CDK14: variants seen among roughly 807,000 people sequenced by gnomAD.
The protein encoded by CDK14 is cyclin-dependent kinase 14.
CDK14 carries 34 observed loss-of-function variants against 60.7 expected under a neutral mutation model. That is an observed-to-expected ratio of 0.56 (90% confidence interval 0.43 to 0.75). The LOEUF is 0.75. Ranked by LOEUF, CDK14 falls within the 30% of genes least tolerant of loss-of-function variation. CDK14 has a pLI of 0.00. For synonymous variants in CDK14, 197 were observed against 203.7 expected (o/e 0.97, Z 0.28); for missense variants, 482 against 564.1 (o/e 0.85, Z 1.47).
intron 11 of CDK14, among the ~76,000 whole-genome samples, chr7:91,074,817 G>A (rs901698057): frequency 2.0e-5 from 3 of 151,934 alleles, no homozygotes; most frequent in African/African-American, 7.3e-5. Flanking sequence ...GATATCACCA[G>A]TGACCCCAGA....
At chr7:90,825,758 G>A (rs1038414684) in intron 5 of CDK14, among the ~76,000 whole-genome samples, 1 of 152,140 alleles carries the variant, frequency 6.6e-6, no homozygotes, top group African/African-American at 2.4e-5. Context: ...TTATTAAGCT[G>A]TTTTGCTAAG....
chr7:91,196,426 C>G (rs776888499), intron 14 of CDK14, among the ~76,000 whole-genome samples: 5 of 152,206 alleles, frequency 3.3e-5, no homozygotes, highest in Non-Finnish European at 7.4e-5. Flanking sequence ...AAACACTCTT[C>G]TTTGCTTAAA....
intron 11 of CDK14, among the ~76,000 whole-genome samples, chr7:91,065,648 G>A (rs1206318032): frequency 6.6e-6 from 1 of 152,180 alleles, no homozygotes; most frequent in Non-Finnish European, 1.5e-5. Flanking sequence ...AGTAAAGTGT[G>A]CATAAAAATT....
intron 14 of CDK14, among the ~76,000 whole-genome samples, chr7:91,178,334 G>A (rs1340664101): frequency 7.6e-6 from 1 of 131,834 alleles, no homozygotes; most frequent in Non-Finnish European, 1.6e-5. Flanking sequence ...AGACTTAAAC[G>A]TTAGACCTAA....
rs547428866 is a variant in CDK14 at position 91,160,691 on chromosome 7, A to C, written c.*28+42483A>C. Among the ~76,000 whole-genome samples the C allele has an allele frequency of 2.0e-5, 3 of 152,162 alleles. No homozygotes were observed. In the South Asian group the frequency reaches 6.2e-4, roughly 32 times the overall value. ...TTTAAAGATTTTCTTTCTCTGTTTC[A>C]AACTCCTTTTACTATATTCCATGCT... On this transcript the variant is annotated intron_variant, in intron 14 of 14. Transcript: ENST00000380050.
chr7:90,960,535 G>A (rs1181063743), intron 9 of CDK14, among the ~76,000 whole-genome samples: 3 of 152,024 alleles, frequency 2.0e-5, no homozygotes, highest in Non-Finnish European at 2.9e-5. Flanking sequence ...CAGCTGGGTG[G>A]TTAGAAAAAA....
Position 91,191,228 on chromosome 7 carries a change from C to T in CDK14, c.*29-15937C>T, listed in dbSNP as rs115563318. ...GGTGCTTCTTTATCATGAAAGATCA[C>T]TTACCAAACCAGAGTTAGCAACACC... is the stretch of plus-strand genomic sequence containing the variant. On this transcript the variant is annotated intron_variant, in intron 14 of 14. Transcript: ENST00000380050. Among the ~76,000 whole-genome samples, 569 of 152,196 alleles carry T rather than the reference C, an allele frequency of 3.7e-3. 4 individuals carry two copies. Among genetic ancestry groups the T allele is most frequent in the African/African-American group, 0.013 (540 of 41,530 alleles).
rs115385371 is a variant in CDK14, at chr7:91,016,713, T to A, written c.1042-29184T>A. ...GTGGCAAATCCACTGCTACTATGTA[T>A]GCTAGGTAGTTTTTATATTCATCAT... On this transcript the variant is annotated intron_variant, in intron 10 of 14. Coordinates refer to ENST00000380050, the MANE Select transcript of CDK14 (RefSeq NM_001287135.2). 8.1e-3 allele frequency among the ~76,000 whole-genome samples: 1,227 copies of A among 152,368 alleles called. 23 individuals are homozygous for A. Among genetic ancestry groups the A allele is most frequent in the African/African-American group, 0.025 (1,060 of 41,590 alleles).
chr7:90,674,010 T>C (rs568720654), intron 2 of CDK14, among the ~76,000 whole-genome samples: 2 of 152,308 alleles, frequency 1.3e-5, no homozygotes, highest in South Asian at 4.1e-4. Flanking sequence ...TTGGGATGAA[T>C]GTATTATTAT....
chr7:91,068,564 A>G (rs957869029), intron 11 of CDK14, among the ~76,000 whole-genome samples: 1 of 152,100 alleles, frequency 6.6e-6, no homozygotes, highest in Admixed American at 6.5e-5. Flanking sequence ...TCAGTGCTCT[A>G]TGAATCATCG....
intron 11 of CDK14, among the ~76,000 whole-genome samples, chr7:91,074,232 C>T (rs1051667504): frequency 6.6e-6 from 1 of 152,038 alleles, no homozygotes; most frequent in African/African-American, 2.4e-5. Flanking sequence ...TTTCAGAAAA[C>T]AACTAAATAA....
chr7:91,057,639 C>T lies in CDK14; in HGVS notation c.1105+11679C>T, dbSNP rs868489863. Among the ~76,000 whole-genome samples, 35 of 152,302 alleles carry T rather than the reference C, an allele frequency of 2.3e-4. No homozygotes were observed. The Middle Eastern group carries it at 0.014, about 59-fold the overall frequency. On this transcript the variant is annotated intron_variant, in intron 11 of 14. Coordinates refer to ENST00000380050, the MANE Select transcript of CDK14 (RefSeq NM_001287135.2). Reference sequence around the variant, plus strand: ...TTCTACATATGGCTAGCCAGTTTTCCCAACACCATTTATTAAATAGGGAAT... The same window carrying T: ...TTCTACATATGGCTAGCCAGTTTTCTCAACACCATTTATTAAATAGGGAAT...
At chr7:90,645,665 G>C (rs925668685) in intron 2 of CDK14, among the ~76,000 whole-genome samples, 1 of 151,926 alleles carries the variant, frequency 6.6e-6, no homozygotes, top group Non-Finnish European at 1.5e-5. Context: ...CTACATACTT[G>C]ATAACACTTA....
At chr7:91,111,542 T>G (rs1005263246) in intron 12 of CDK14, among the ~76,000 whole-genome samples, 9 of 152,188 alleles carry the variant, frequency 5.9e-5, no homozygotes, top group Non-Finnish European at 1.3e-4. Flanking sequence ...GCAAACCACT[T>G]TAGAGTCAAG....
chr7:90,917,798 GT>G, intron 8 of CDK14, 74 bp downstream of exon 8: 1 of 1,436,878 alleles, frequency 7.0e-7, no homozygotes. Flanking sequence ...CACTGCATTT[GT>G]TTAGGTGCAC....
intron 12 of CDK14, among the ~76,000 whole-genome samples, chr7:91,095,386 A>G (rs924199145): frequency 4.6e-5 from 7 of 152,242 alleles, no homozygotes; most frequent in Non-Finnish European, 1.0e-4. Flanking sequence ...CCAGCCAAGG[A>G]ATGGCCCTGC....
intron 7 of CDK14, among the ~76,000 whole-genome samples, chr7:90,902,009 A>G (rs1468705354): frequency 1.3e-5 from 2 of 152,130 alleles, no homozygotes; most frequent in South Asian, 2.1e-4. Context: ...TTAATTTATA[A>G]TAGTTACCAA....
chr7:90,828,400 T>C, intron 5 of CDK14, among the ~76,000 whole-genome samples: 1 of 152,210 alleles, frequency 6.6e-6, no homozygotes, highest in East Asian at 1.9e-4. Flanking sequence ...AAGTAATTAT[T>C]TTTCTACCTT....
At chr7:91,087,024 C>A (rs770042291) in intron 12 of CDK14, among the ~76,000 whole-genome samples, 71 of 152,242 alleles carry the variant, frequency 4.7e-4, no homozygotes, top group Non-Finnish European at 8.8e-4. Context: ...AGGGCTCAAG[C>A]AATCCTCCCA....
Sources: gnomAD v4.1 joint callset for allele counts (sites outside exome capture counted in the v4.1 genomes callset) on GRCh38, gnomAD v4.1.1 for gene constraint, MANE v1.5 for transcripts, NCBI Gene and HGNC (gene_info 2026-07-23, HGNC 2026-07-21) for gene names.